BTBD9: variants seen among roughly 807,000 people sequenced by gnomAD.
BTBD9 encodes the protein BTB domain containing 9.
Under a neutral mutation model 64.3 loss-of-function variants are expected in BTBD9, and 49 were observed. That is an observed-to-expected ratio of 0.76 (90% CI 0.61 to 0.97). The LOEUF is 0.97. Ranked by LOEUF, BTBD9 falls within the 50% of genes least tolerant of loss-of-function variation. The probability of loss-of-function intolerance (pLI) is 0.00; values close to 1 mark genes in which losing one functional copy is unlikely to be tolerated. For missense variants in BTBD9, 598 were observed against 762.1 expected (o/e 0.78, Z 2.53); for synonymous variants, 260 against 274.7 (o/e 0.95, Z 0.53).
chr6:38,424,269 A>C (rs1185891399), intron 6 of BTBD9, among the ~76,000 whole-genome samples: 1 of 152,004 alleles, frequency 6.6e-6, no homozygotes, highest in Non-Finnish European at 1.5e-5. Context: ...AGATAGCATA[A>C]GTTCACTGAA....
chr6:38,336,491 A>G (rs1364107951), intron 7 of BTBD9, among the ~76,000 whole-genome samples: 1 of 152,156 alleles, frequency 6.6e-6, no homozygotes, highest in Admixed American at 6.5e-5. Context: ...GAAGTGCCGA[A>G]AAAAGGGGGA....
chr6:38,403,061 T>A (rs528946649), intron 6 of BTBD9, among the ~76,000 whole-genome samples: 23 of 126,198 alleles, frequency 1.8e-4, no homozygotes, highest in African/African-American at 6.8e-4. Flanking sequence ...TGAAACCCTG[T>A]CCAAAGAGAG....
Position 38,256,473 on chromosome 6 carries a change from C to T in BTBD9, c.1498G>A (p.Val500Ile), listed in dbSNP as rs61757644. Reference sequence around the variant, plus strand: ...TGTTGCTGGTTGGTAGAAACCTCAACGTAGTAGCTATAGCTTCGATCATCA... The same window carrying T: ...TGTTGCTGGTTGGTAGAAACCTCAATGTAGTAGCTATAGCTTCGATCATCA... ...DCDDRSYSYY[V>I]EVSTNQQQWT... The change falls in exon 9 of 11, where the codon GTT becomes ATT. Residue 500 changes from valine to isoleucine, a missense_variant. Physicochemically the swap from Val to Ile is conservative, Grantham distance 29. Coordinates refer to ENST00000481247, the MANE Select transcript of BTBD9 (RefSeq NM_001099272.2). 628 of 1,614,016 alleles carry T rather than the reference C, an allele frequency of 3.9e-4. No homozygotes were observed. The highest frequency in any genetic ancestry group is 4.9e-4 in the Non-Finnish European group (583 of 1,179,910).
At chr6:38,524,053 A>G (rs962312075) in intron 6 of BTBD9, among the ~76,000 whole-genome samples, 2 of 152,184 alleles carry the variant, frequency 1.3e-5, no homozygotes, top group African/African-American at 4.8e-5. Flanking sequence ...TTTCTCCCCA[A>G]TTAGAGAAAT....
chr6:38,336,883 T>A (rs1343064842), intron 7 of BTBD9, among the ~76,000 whole-genome samples: 1 of 152,222 alleles, frequency 6.6e-6, no homozygotes, highest in Non-Finnish European at 1.5e-5. Context: ...TACACCCATG[T>A]GTCTTTCTCT....
At chr6:38,306,631 C>T (rs1357809751) in intron 7 of BTBD9, among the ~76,000 whole-genome samples, 1 of 152,192 alleles carries the variant, frequency 6.6e-6, no homozygotes, top group African/African-American at 2.4e-5. Context: ...GGGTGGCCAA[C>T]GACTTGCCTC....
intron 6 of BTBD9, among the ~76,000 whole-genome samples, chr6:38,513,605 T>C (rs1172778996): frequency 6.6e-6 from 1 of 152,120 alleles, no homozygotes; most frequent in African/African-American, 2.4e-5. Flanking sequence ...CAAGCAATGA[T>C]TCTGCTTTGG....
chr6:38,283,581 C>T (rs1160842905), intron 8 of BTBD9, among the ~76,000 whole-genome samples: 2 of 152,166 alleles, frequency 1.3e-5, no homozygotes, highest in African/African-American at 4.8e-5. Flanking sequence ...CCCAAGAGGT[C>T]AAGGCTGCAG....
At chr6:38,439,879 A>G (rs1056900172) in intron 6 of BTBD9, among the ~76,000 whole-genome samples, 11 of 152,326 alleles carry the variant, frequency 7.2e-5, no homozygotes, top group Admixed American at 6.5e-4. Context: ...TCTGAAGGTA[A>G]GAACTAAAAG....
intron 7 of BTBD9, among the ~76,000 whole-genome samples, chr6:38,330,022 G>A (rs988257847): frequency 7.2e-5 from 11 of 152,042 alleles, no homozygotes; most frequent in African/African-American, 1.7e-4. Flanking sequence ...CTGCCAAGAC[G>A]TGGATGGTAC....
intron 6 of BTBD9, among the ~76,000 whole-genome samples, chr6:38,541,491 C>G (rs1255266536): frequency 3.3e-5 from 5 of 152,196 alleles, no homozygotes; most frequent in Non-Finnish European, 7.3e-5. Flanking sequence ...GTAATCCCAG[C>G]ACTTTGGGAG....
intron 1 of BTBD9, among the ~76,000 whole-genome samples, chr6:38,623,711 T>G (rs1274964136): frequency 6.6e-6 from 1 of 152,236 alleles, no homozygotes; most frequent in East Asian, 1.9e-4. Flanking sequence ...GCTTCTCCCC[T>G]TTCTAGGTCC....
At chr6:38,407,244 T>C (rs915899535) in intron 6 of BTBD9, among the ~76,000 whole-genome samples, 1 of 152,238 alleles carries the variant, frequency 6.6e-6, no homozygotes, top group African/African-American at 2.4e-5. Context: ...TAAAATAAAA[T>C]TGCCAGAGAT....
At chr6:38,193,452 T>G (rs1437870748) in intron 9 of BTBD9, among the ~76,000 whole-genome samples, 2 of 152,228 alleles carry the variant, frequency 1.3e-5, no homozygotes, top group Non-Finnish European at 2.9e-5. Context: ...AAGACTGGCC[T>G]GACTCTGTCT....
Position 38,367,799 on chromosome 6 carries a change from C to CAAAAAAAAAAAAAAAA in BTBD9, c.1155-22722_1155-22707dup, listed in dbSNP as rs575025737. On this transcript the variant is annotated intron_variant, in intron 6 of 10. Coordinates refer to ENST00000481247, the MANE Select transcript of BTBD9 (RefSeq NM_001099272.2). Reference sequence around the variant, plus strand: ...TGCAAGAGTGTTGCACCAGAAATGGCAAAAAAAAAAAAAAAAAAAAAAAAA... The same window carrying CAAAAAAAAAAAAAAAA: ...TGCAAGAGTGTTGCACCAGAAATGGCAAAAAAAAAAAAAAAAAAAAAAAAAAAAAAAAAAAAAAAAA... Among the ~76,000 whole-genome samples, 13 of 84,332 alleles carry CAAAAAAAAAAAAAAAA rather than the reference C, an allele frequency of 1.5e-4. 2 individuals carry two copies. In the East Asian group the frequency reaches 2.1e-3, roughly 14 times the overall value. The allele number at this position is 84,332 out of a possible 152,430, so 55.3% of individuals were successfully genotyped here.
rs1408135375 is a variant in BTBD9 at position 38,172,834 on chromosome 6, AT to A, written c.*2150del. ...GTCTAGGGCCGAGGCTTTGCAGCGT[AT>A]TCCTTTTCAGATGCGAGGCCGAGCT... On this transcript the variant is annotated 3_prime_UTR_variant, in exon 11 of 11. Transcript: ENST00000481247. 1.1e-4 allele frequency: 16 copies of A among 152,358 alleles called. No individual in the cohort carries two copies. The highest frequency in any genetic ancestry group is 3.9e-4 in the African/African-American group (16 of 41,472). 9.4% of individuals were successfully genotyped at this position (152,358 alleles called of 1,614,324 possible). A position where few individuals can be genotyped will look rare whatever the true frequency, so the allele number is the denominator to read the frequency against.
chr6:38,200,331 C>A (rs4714128), intron 9 of BTBD9, among the ~76,000 whole-genome samples: 119,993 of 152,192 alleles, frequency 0.79, 47,391 homozygotes, highest in East Asian at 0.93. Flanking sequence ...GGTTTCAAAT[C>A]AACAATATAA....
intron 6 of BTBD9, among the ~76,000 whole-genome samples, chr6:38,544,639 G>T (rs1047714757): frequency 6.6e-6 from 1 of 151,944 alleles, no homozygotes; most frequent in African/African-American, 2.4e-5. Flanking sequence ...GAGTGATGAG[G>T]GTGTGGGCCA....
At chr6:38,194,749 C>A (rs1762216891) in intron 9 of BTBD9, among the ~76,000 whole-genome samples, 1 of 152,150 alleles carries the variant, frequency 6.6e-6, no homozygotes, top group South Asian at 2.1e-4. Flanking sequence ...CTGGGTCTCC[C>A]TCCCCTATCT....
Sources: allele counts gnomAD v4.1 joint callset (sites outside exome capture counted in the v4.1 genomes callset), GRCh38; gene constraint gnomAD v4.1.1; transcripts MANE v1.5; gene names NCBI Gene and HGNC (gene_info 2026-07-23, HGNC 2026-07-21).